COMMD10: variants seen among roughly 807,000 people sequenced by gnomAD.
COMMD10 encodes the protein COMM domain containing 10, also known as COMM domain-containing protein 10.
In COMMD10, 33 loss-of-function variants were observed where a neutral mutation model predicts 28.9. That is an observed-to-expected ratio of 1.14 (90% confidence interval 0.87 to 1.53). COMMD10 has a LOEUF of 1.53. COMMD10 is among the 40% of genes most tolerant of loss of function. The pLI is 0.00. For synonymous variants in COMMD10, 110 were observed against 81.7 expected (o/e 1.35, Z -1.87); for missense variants, 310 against 233.4 (o/e 1.33, Z -2.14).
At chr5:116,251,755 C>G (rs1000397594) in intron 5 of COMMD10, among the ~76,000 whole-genome samples, 4 of 151,888 alleles carry the variant, frequency 2.6e-5, no homozygotes, top group African/African-American at 9.7e-5. Flanking sequence ...AATAAACATA[C>G]GTGTGCATGT....
chr5:116,175,163 ATTTGTCTCAG>A (rs1436097580), intron 5 of COMMD10, among the ~76,000 whole-genome samples: 26 of 151,742 alleles, frequency 1.7e-4, no homozygotes, highest in Admixed American at 1.6e-3. Context: ...ACCTTGTTTT[ATTTGTCTCAG>A]TTGTATTTAA....
At chr5:116,107,880 T>C (rs1445579175) in intron 4 of COMMD10, among the ~76,000 whole-genome samples, 1 of 152,234 alleles carries the variant, frequency 6.6e-6, no homozygotes, top group Non-Finnish European at 1.5e-5. Flanking sequence ...GGCCGTACTT[T>C]TTGTTGATGT....
chr5:116,169,713 C>T (rs930307911), intron 5 of COMMD10, among the ~76,000 whole-genome samples: 4 of 152,002 alleles, frequency 2.6e-5, no homozygotes, highest in Admixed American at 1.3e-4. Context: ...TGATCCATTG[C>T]GTAAACAGAA....
rs535834944 is a variant in COMMD10 at position 116,259,615 on chromosome 5, C to T, written c.511-31902C>T. 8.5e-4 allele frequency among the ~76,000 whole-genome samples: 129 copies of T among 151,774 alleles called. 4 individuals carry two copies. The highest frequency in any genetic ancestry group is 2.9e-3 in the African/African-American group (121 of 41,206). On this transcript the variant is annotated intron_variant, in intron 5 of 6. Coordinates refer to ENST00000274458, the MANE Select transcript of COMMD10 (RefSeq NM_016144.4). ...GGTGGCTGGAGGGTATTTATTTCAT[C>T]AGCCCAAATGAGAATCCCTTTTTAC... is the stretch of plus-strand genomic sequence containing the variant.
chr5:116,152,364 A>G (rs1400772129), intron 5 of COMMD10, among the ~76,000 whole-genome samples: 1 of 152,036 alleles, frequency 6.6e-6, no homozygotes, highest in African/African-American at 2.4e-5. Context: ...TTTTTTTCAC[A>G]GTGACCTTTC....
At chr5:116,246,460 T>C (rs1749953936) in intron 5 of COMMD10, among the ~76,000 whole-genome samples, 1 of 151,788 alleles carries the variant, frequency 6.6e-6, no homozygotes, top group African/African-American at 2.4e-5. Context: ...TTGAGATTCT[T>C]TGTAGAACTA....
intron 5 of COMMD10, among the ~76,000 whole-genome samples, chr5:116,168,103 C>T (rs7700973): frequency 0.33 from 44,549 of 134,182 alleles, 9,466 homozygotes; most frequent in African/African-American, 0.64. Flanking sequence ...TGTGCAAAGA[C>T]ACACATAGGC....
At chr5:116,169,345 TCAATAATTAA>T (rs1753241697) in intron 5 of COMMD10, among the ~76,000 whole-genome samples, 1 of 151,842 alleles carries the variant, frequency 6.6e-6, no homozygotes, top group Non-Finnish European at 1.5e-5. Context: ...TGAAATTGAG[TCAATAATTAA>T]TGGGCTACCA....
chr5:116,154,293 T>G lies in COMMD10; in HGVS notation c.510+20115T>G, dbSNP rs371202378. Among the ~76,000 whole-genome samples the G allele has an allele frequency of 5.3e-5, 8 of 152,302 alleles. No homozygotes were observed. In the East Asian group the frequency reaches 1.5e-3, roughly 29 times the overall value. Reference sequence around the variant, plus strand: ...CTAGTTCTCTCTCCTATTGTTTAATTGATGATGAGATATATAAATATTCAT... The same window carrying G: ...CTAGTTCTCTCTCCTATTGTTTAATGGATGATGAGATATATAAATATTCAT... On this transcript the variant is annotated intron_variant, in intron 5 of 6. Transcript: ENST00000274458.
intron 5 of COMMD10, among the ~76,000 whole-genome samples, chr5:116,180,403 TCCTAGGC>T (rs1747917431): frequency 6.6e-6 from 1 of 152,136 alleles, no homozygotes; most frequent in Non-Finnish European, 1.5e-5. Context: ...TTTGTTTAGG[TCCTAGGC>T]CACTGAAATG....
chr5:116,289,091 A>G (rs1751296452), intron 5 of COMMD10, among the ~76,000 whole-genome samples: 1 of 151,454 alleles, frequency 6.6e-6, no homozygotes, highest in Non-Finnish European at 1.5e-5. Context: ...CATGTTGGCC[A>G]TGCTGGTCTC....
Position 116,178,167 on chromosome 5 carries a change from CA to C in COMMD10, c.510+43991del, listed in dbSNP as rs1235142802. On this transcript the variant is annotated intron_variant, in intron 5 of 6. Coordinates refer to ENST00000274458, the MANE Select transcript of COMMD10 (RefSeq NM_016144.4). ...TAAGGAAAGTAAGGTGAAAATGAGC[CA>C]ACTGCTTAAATGAATGATGGAGTTG... is the stretch of plus-strand genomic sequence containing the variant. Among the ~76,000 whole-genome samples, 21 of 152,118 alleles carry C rather than the reference CA, an allele frequency of 1.4e-4. 1 individual carries two copies. The highest frequency in any genetic ancestry group is 4.6e-4 in the Admixed American group (7 of 15,258).
chr5:116,099,669 T>C (rs1365802170), intron 4 of COMMD10, among the ~76,000 whole-genome samples: 1 of 152,224 alleles, frequency 6.6e-6, no homozygotes, highest in Non-Finnish European at 1.5e-5. Context: ...TATTATGCTT[T>C]TGATTTGCAT....
intron 5 of COMMD10, among the ~76,000 whole-genome samples, chr5:116,175,444 G>A (rs574205600): frequency 2.6e-5 from 4 of 152,086 alleles, no homozygotes; most frequent in Non-Finnish European, 5.9e-5. Context: ...ATGTAAAATT[G>A]TATAGCCACT....
intron 5 of COMMD10, among the ~76,000 whole-genome samples, chr5:116,290,096 G>A (rs1163727003): frequency 1.3e-5 from 2 of 151,844 alleles, no homozygotes; most frequent in Non-Finnish European, 2.9e-5. Flanking sequence ...TGCTGATTCA[G>A]CCTTCATTCT....
At chr5:116,158,851 GT>G (rs373892846) in intron 5 of COMMD10, among the ~76,000 whole-genome samples, 362 of 144,864 alleles carry the variant, frequency 2.5e-3, no homozygotes, top group Middle Eastern at 0.014. Context: ...GCAAACAGTT[GT>G]TTTTTTTTTT....
At chr5:116,087,704 T>A in intron 2 of COMMD10, 117 bp downstream of exon 2, 1 of 665,682 alleles carries the variant, frequency 1.5e-6, no homozygotes. Context: ...TTAGAGACAC[T>A]GGTTCTGTGG....
At chr5:116,096,156 T>C (rs962237138) in intron 4 of COMMD10, among the ~76,000 whole-genome samples, 2 of 152,092 alleles carry the variant, frequency 1.3e-5, no homozygotes, top group South Asian at 4.1e-4. Context: ...CTGCTTGGGG[T>C]ATTGATTGGG....
rs10478284 is a variant in COMMD10, at chr5:116,158,652, T to A, written c.510+24474T>A. On this transcript the variant is annotated intron_variant, in intron 5 of 6. Transcript: ENST00000274458. ...CCGCCATGCTTGGACAGCAAAACTT[T>A]TAAAATTTTCATTTTAAATTATGTT... 1.3e-3 allele frequency among the ~76,000 whole-genome samples: 191 copies of A among 151,902 alleles called. 1 individual carries two copies. Among genetic ancestry groups the A allele is most frequent in the African/African-American group, 4.5e-3 (186 of 41,446 alleles).
Sources: gnomAD v4.1 joint callset for allele counts (sites outside exome capture counted in the v4.1 genomes callset) on GRCh38, gnomAD v4.1.1 for gene constraint, MANE v1.5 for transcripts, NCBI Gene and HGNC (gene_info 2026-07-23, HGNC 2026-07-21) for gene names.